ATF6: variants seen among roughly 807,000 people sequenced by gnomAD.
ATF6 encodes the protein cyclic AMP-dependent transcription factor ATF-6 alpha.
ATF6 carries 53 observed loss-of-function variants against 83.6 expected under a neutral mutation model. The observed-to-expected ratio is 0.63, with a 90% CI of 0.51 to 0.80. The LOEUF (loss-of-function observed/expected upper bound fraction) is 0.80. Among genes scored for constraint, ATF6 ranks in the 30% least tolerant of loss-of-function variants. The pLI is 0.00. For synonymous variants in ATF6, 288 were observed against 285.8 expected, an observed-to-expected ratio of 1.01 and a Z score of -0.08; for missense variants, 744 against 797.9, an observed-to-expected ratio of 0.93 and a Z score of 0.81.
At chr1:161,780,113 T>C (rs1684600527) in intron 2 of ATF6, among the ~76,000 whole-genome samples, 1 of 152,056 alleles carries the variant, frequency 6.6e-6, no homozygotes, top group Non-Finnish European at 1.5e-5. Flanking sequence ...TAAAAAATGG[T>C]TTTTTTATGA....
rs551925605 is a variant in ATF6, at chr1:161,824,458, C to A, written c.1187+3297C>A. On this transcript the variant is annotated intron_variant, in intron 9 of 15. Coordinates refer to ENST00000367942, the MANE Select transcript of ATF6 (RefSeq NM_007348.4). ...GGACTACCTTTTCTAAATGTCTATC[C>A]CAGCTCCTGCCATTGCATTCCCTAT... Among the ~76,000 whole-genome samples the A allele has an allele frequency of 3.3e-5, 5 of 151,706 alleles. No individual in the cohort carries two copies. The East Asian group carries it at 9.7e-4, about 29-fold the overall frequency.
At chr1:161,926,515 G>A (rs547958899) in intron 15 of ATF6, among the ~76,000 whole-genome samples, 35 of 152,250 alleles carry the variant, frequency 2.3e-4, no homozygotes, top group African/African-American at 6.0e-4. Flanking sequence ...CAACTGTTCC[G>A]TAAGAGTGAG....
chr1:161,916,992 G>T (rs1688113892), intron 15 of ATF6, among the ~76,000 whole-genome samples: 3 of 152,054 alleles, frequency 2.0e-5, no homozygotes, highest in Admixed American at 2.0e-4. Context: ...GTTTCCTCCT[G>T]TATCTCCTCA....
chr1:161,860,380 A>G (rs1464964927), intron 13 of ATF6, 103 bp downstream of exon 13: 2 of 583,686 alleles, frequency 3.4e-6, no homozygotes, highest in Admixed American at 3.4e-5. Context: ...GTTCTCATCT[A>G]TGAGTTTTAT....
At chr1:161,939,072 A>G (rs1688592376) in intron 15 of ATF6, among the ~76,000 whole-genome samples, 1 of 152,180 alleles carries the variant, frequency 6.6e-6, no homozygotes, top group Non-Finnish European at 1.5e-5. Flanking sequence ...ACTACTTATC[A>G]AAGTTTCCAT....
chr1:161,780,054 T>G (rs1382611596), intron 2 of ATF6, among the ~76,000 whole-genome samples: 1 of 152,084 alleles, frequency 6.6e-6, no homozygotes, highest in East Asian at 1.9e-4. Context: ...GCTTAATTTT[T>G]TGATGTGAAG....
At chr1:161,840,554 A>C (rs748152683) in intron 9 of ATF6, 15 of 152,218 alleles carry the variant, frequency 9.9e-5, no homozygotes, top group Non-Finnish European at 2.1e-4. Context: ...GAGATATGCC[A>C]TTTTTTGTTC....
chr1:161,819,229 T>C (rs1239830626), intron 7 of ATF6, among the ~76,000 whole-genome samples: 1 of 152,188 alleles, frequency 6.6e-6, no homozygotes, highest in African/African-American at 2.4e-5. Flanking sequence ...TTTGAAGTGG[T>C]AATAACTGTA....
chr1:161,947,237 T>C (rs754082779), intron 15 of ATF6, among the ~76,000 whole-genome samples: 1 of 152,182 alleles, frequency 6.6e-6, no homozygotes, highest in Non-Finnish European at 1.5e-5. Context: ...TAGGGATTTG[T>C]AGCCAAGGAG....
chr1:161,898,265 A>G (rs867678411), intron 14 of ATF6, among the ~76,000 whole-genome samples: 1 of 152,212 alleles, frequency 6.6e-6, no homozygotes, highest in South Asian at 2.1e-4. Flanking sequence ...GTGAGAGACT[A>G]GAGTACTAAT....
intron 15 of ATF6, among the ~76,000 whole-genome samples, chr1:161,929,618 A>T (rs1046194264): frequency 2.0e-5 from 3 of 152,232 alleles, no homozygotes; most frequent in African/African-American, 7.2e-5. Context: ...GTATGCAGTC[A>T]GGCACTAAGT....
At chr1:161,897,879 G>A (rs972556298) in intron 14 of ATF6, among the ~76,000 whole-genome samples, 2 of 151,940 alleles carry the variant, frequency 1.3e-5, no homozygotes, top group African/African-American at 4.8e-5. Context: ...TTGTGTGCCC[G>A]AAATTTTAAG....
intron 7 of ATF6, among the ~76,000 whole-genome samples, chr1:161,807,308 C>T (rs549558136): frequency 3.9e-5 from 6 of 152,280 alleles, no homozygotes; most frequent in African/African-American, 1.2e-4. Context: ...CTTCAATAGA[C>T]GTTGAAGTTG....
At chr1:161,828,135 A>G (rs1685951309) in intron 9 of ATF6, among the ~76,000 whole-genome samples, 1 of 152,078 alleles carries the variant, frequency 6.6e-6, no homozygotes, top group South Asian at 2.1e-4. Flanking sequence ...TTTTTAAATT[A>G]TCACTACAGA....
chr1:161,911,244 GTTTAAC>G (rs1687986715), intron 14 of ATF6, among the ~76,000 whole-genome samples: 1 of 152,118 alleles, frequency 6.6e-6, no homozygotes, highest in African/African-American at 2.4e-5. Flanking sequence ...TTTATCTCCA[GTTTAAC>G]CATGCTCCCT....
intron 1 of ATF6, among the ~76,000 whole-genome samples, chr1:161,777,610 C>T (rs1684545739): frequency 6.6e-6 from 1 of 152,176 alleles, no homozygotes; most frequent in African/African-American, 2.4e-5. Flanking sequence ...TTGGTCAACA[C>T]CTTAACCTTT....
At chr1:161,890,144 G>C (rs984895504) in intron 14 of ATF6, among the ~76,000 whole-genome samples, 1 of 152,136 alleles carries the variant, frequency 6.6e-6, no homozygotes, top group Admixed American at 6.5e-5. Flanking sequence ...TAACCACAAT[G>C]CAGTTGTCAA....
At chr1:161,852,040 C>G (rs1168672789) in intron 11 of ATF6, among the ~76,000 whole-genome samples, 1 of 152,180 alleles carries the variant, frequency 6.6e-6, no homozygotes, top group Non-Finnish European at 1.5e-5. Context: ...TAGTTGCTTA[C>G]TTAAATATGT....
chr1:161,949,789 CTT>C (rs892811708), intron 15 of ATF6, among the ~76,000 whole-genome samples: 2 of 152,180 alleles, frequency 1.3e-5, no homozygotes, highest in African/African-American at 4.8e-5. Flanking sequence ...ACATTAATCT[CTT>C]CATGAGAGAT....
Sources: allele counts gnomAD v4.1 joint callset (sites outside exome capture counted in the v4.1 genomes callset), GRCh38; gene constraint gnomAD v4.1.1; transcripts MANE v1.5; gene names NCBI Gene and HGNC (gene_info 2026-07-23, HGNC 2026-07-21).